Variants in USP47 observed in about 807,000 individuals in gnomAD.
The protein encoded by USP47 is ubiquitin specific peptidase 47.
In USP47, 35 loss-of-function variants were observed where a neutral mutation model predicts 165.1. The observed-to-expected ratio is 0.21, with a 90% confidence interval of 0.16 to 0.28. The LOEUF (loss-of-function observed/expected upper bound fraction) is 0.28. Among genes scored for constraint, USP47 ranks in the 10% least tolerant of loss-of-function variants. USP47 has a pLI of 1.00. For missense variants in USP47, 1,277 were observed against 1,607.4 expected (o/e 0.79, Z 3.52); for synonymous variants, 531 against 544.5 (o/e 0.98, Z 0.35).
intron 1 of USP47, among the ~76,000 whole-genome samples, chr11:11,858,502 C>A (rs532443213): frequency 1.3e-5 from 2 of 152,270 alleles, no homozygotes; most frequent in African/African-American, 4.8e-5. Context: ...ATATATCCAT[C>A]ATCTCAGAAA....
chr11:11,883,912 GC>G (rs1564863626), intron 2 of USP47, among the ~76,000 whole-genome samples: 1 of 152,026 alleles, frequency 6.6e-6, no homozygotes. Flanking sequence ...ACTGGGACAG[GC>G]TTTTCCTTAA....
intron 1 of USP47, among the ~76,000 whole-genome samples, chr11:11,852,775 G>A (rs1166572501): frequency 1.3e-5 from 2 of 152,126 alleles, no homozygotes; most frequent in African/African-American, 4.8e-5. Context: ...CTTATATTCA[G>A]TCTATCCTCT....
chr11:11,908,043 G>A (rs550126657), intron 8 of USP47, among the ~76,000 whole-genome samples: 21 of 152,064 alleles, frequency 1.4e-4, no homozygotes, highest in South Asian at 4.2e-4. Context: ...AGCTGAGATC[G>A]CACCACTGCA....
intron 1 of USP47, among the ~76,000 whole-genome samples, chr11:11,870,747 T>C (rs1208368678): frequency 6.6e-6 from 1 of 152,248 alleles, no homozygotes. Context: ...CCCGCTTTTC[T>C]GTTCTTTCTC....
intron 18 of USP47, among the ~76,000 whole-genome samples, chr11:11,938,683 C>T (rs959918169): frequency 6.6e-6 from 1 of 151,902 alleles, no homozygotes; most frequent in African/African-American, 2.4e-5. Flanking sequence ...TCCTTTTTGG[C>T]GTAGGCAATA....
chr11:11,866,227 A>G (rs2134218945), intron 1 of USP47, among the ~76,000 whole-genome samples: 1 of 152,316 alleles, frequency 6.6e-6, no homozygotes, highest in African/African-American at 2.4e-5. Flanking sequence ...TAAAGAGAAA[A>G]TAAAAGCTTC....
chr11:11,844,583 A>G (rs1564847527), intron 1 of USP47, among the ~76,000 whole-genome samples: 1 of 152,132 alleles, frequency 6.6e-6, no homozygotes, highest in Non-Finnish European at 1.5e-5. Flanking sequence ...ATTATACCCT[A>G]TTTTACAGAG....
chr11:11,900,406 C>T (rs566286552), intron 5 of USP47, among the ~76,000 whole-genome samples: 11 of 152,144 alleles, frequency 7.2e-5, no homozygotes, highest in East Asian at 1.9e-4. Context: ...GTGATCCGCC[C>T]GCCTTGGCCT....
chr11:11,913,845 A>G (rs1228107650), intron 8 of USP47, among the ~76,000 whole-genome samples: 1 of 152,156 alleles, frequency 6.6e-6, no homozygotes, highest in Non-Finnish European at 1.5e-5. Flanking sequence ...GATTCTATGC[A>G]TGTATCAAGT....
chr11:11,856,992 A>G (rs1012526939), intron 1 of USP47: 25 of 152,312 alleles, frequency 1.6e-4, no homozygotes, highest in African/African-American at 5.3e-4. Context: ...GTAACTGAGA[A>G]CACCATAAGG....
At chr11:11,917,580 G>A (rs1276973593) in intron 8 of USP47, among the ~76,000 whole-genome samples, 2 of 149,508 alleles carry the variant, frequency 1.3e-5, no homozygotes, top group Non-Finnish European at 3.0e-5. Flanking sequence ...TGTTGTGTGG[G>A]TGGGGAATAA....
At chr11:11,951,278 C>T (rs1856204060) in intron 24 of USP47, 2 of 152,134 alleles carry the variant, frequency 1.3e-5, no homozygotes, top group African/African-American at 4.8e-5. Context: ...ACCCTGAAGA[C>T]CTTATTTTAC....
chr11:11,853,657 T>TAGG (rs1564851028), intron 1 of USP47, among the ~76,000 whole-genome samples: 1 of 152,216 alleles, frequency 6.6e-6, no homozygotes, highest in African/African-American at 2.4e-5. Flanking sequence ...GCCCTCTTCT[T>TAGG]TCATTTAATG....
chr11:11,936,120 A>G (rs1268748738), intron 16 of USP47, among the ~76,000 whole-genome samples, 183 bp from the exon 17 acceptor site: 1 of 151,746 alleles, frequency 6.6e-6, no homozygotes, highest in African/African-American at 2.4e-5. Flanking sequence ...TTATTTAAAA[A>G]TAACATTTAA....
intron 25 of USP47, among the ~76,000 whole-genome samples, chr11:11,953,311 C>G (rs1856344053): frequency 1.3e-5 from 2 of 152,138 alleles, no homozygotes; most frequent in South Asian, 4.1e-4. Context: ...ATTAGTCAAT[C>G]TGTGGTACTA....
In USP47 at chr11:11,895,401, CAG is replaced by C. The variant is rs1164682326; in HGVS notation, c.497-2195_497-2194del. 2.0e-5 allele frequency among the ~76,000 whole-genome samples: 3 copies of C among 152,182 alleles called. No individual in the cohort carries two copies. The East Asian group carries it at 5.8e-4, about 29-fold the overall frequency. On this transcript the variant is annotated intron_variant, in intron 4 of 27. Transcript: ENST00000527733. ...TGGTTGTGTTCAGAAATTATTTTAT[CAG>C]GGGTTGTGTTCAGAAATTATTGTAT... is the stretch of plus-strand genomic sequence containing the variant.
intron 6 of USP47, 72 bp from the exon 7 acceptor site, chr11:11,903,191 G>A (rs1230265003): frequency 2.1e-6 from 3 of 1,424,086 alleles, no homozygotes; most frequent in East Asian, 4.8e-5. Flanking sequence ...CTGTCTATTT[G>A]CTTTTAAACA....
rs763051338 is a variant in USP47, at chr11:11,936,424, T to C, written c.1991T>C (p.Leu664Pro). Residue 664 changes from leucine to proline, a missense_variant, in exon 17 of 28, where the codon CTA becomes CCA. Physicochemically the swap from Leu to Pro is moderately conservative, Grantham distance 98. Coordinates refer to ENST00000527733, the MANE Select transcript of USP47 (RefSeq NM_001282659.2). ...GEEDTPMGLL[L>P]GGVKSTYMFD... is the part of the protein sequence containing the mutation. Reference sequence around the variant, plus strand: ...GAAGATACACCAATGGGGCTTCTACTAGGTGGCGTCAAGTCAACATATATG... The same window carrying C: ...GAAGATACACCAATGGGGCTTCTACCAGGTGGCGTCAAGTCAACATATATG... The C allele has an allele frequency of 6.2e-7, 1 of 1,610,258 alleles. No individual in the cohort carries two copies. Among genetic ancestry groups the C allele is most frequent in the Admixed American group, 1.7e-5 (1 of 59,806 alleles).
chr11:11,935,664 C>T (rs1352139788), intron 16 of USP47, among the ~76,000 whole-genome samples: 1 of 151,902 alleles, frequency 6.6e-6, no homozygotes, highest in Non-Finnish European at 1.5e-5. Context: ...TACTGTGTTT[C>T]TCTAGGAGGC....
Sources: gnomAD v4.1 joint callset for allele counts (sites outside exome capture counted in the v4.1 genomes callset) on GRCh38, gnomAD v4.1.1 for gene constraint, MANE v1.5 for transcripts, NCBI Gene and HGNC (gene_info 2026-07-23, HGNC 2026-07-21) for gene names.